The following CACNA1E variants were observed in gnomAD, a reference collection of about 807,000 sequenced individuals.
CACNA1E encodes the protein voltage-dependent R-type calcium channel subunit alpha-1E.
In CACNA1E, 40 loss-of-function variants were observed where a neutral mutation model predicts 259.2. That is an observed-to-expected ratio of 0.15 (90% CI 0.12 to 0.20). The LOEUF is 0.20. CACNA1E is among the 10% of genes least tolerant of loss of function. CACNA1E has a pLI of 1.00. For missense variants in CACNA1E, 1,874 were observed against 3,040.1 expected (o/e 0.62, Z 9.02); for synonymous variants, 1,104 against 1,138.5 (o/e 0.97, Z 0.61).
In CACNA1E at chr1:181,528,928, G is replaced by T. The variant is rs540064691; in HGVS notation, c.512+17418G>T. Reference sequence around the variant, plus strand: ...AGAGAAGAAAAACCCATTTTTTGAGGAGAAATTCATGCTGGCTGCAGAAAT... The same window carrying T: ...AGAGAAGAAAAACCCATTTTTTGAGTAGAAATTCATGCTGGCTGCAGAAAT... On this transcript the variant is annotated intron_variant, in intron 3 of 47. Coordinates refer to ENST00000367573, the MANE Select transcript of CACNA1E (RefSeq NM_001205293.3). Among the ~76,000 whole-genome samples the T allele has an allele frequency of 7.2e-5, 11 of 152,288 alleles. No individual in the cohort carries two copies. In the East Asian group the frequency reaches 2.1e-3, roughly 29 times the overall value.
intron 3 of CACNA1E, among the ~76,000 whole-genome samples, chr1:181,533,220 T>A (rs1349680548): frequency 6.6e-6 from 1 of 151,382 alleles, no homozygotes; most frequent in Non-Finnish European, 1.5e-5. Flanking sequence ...GGGGTTTTTT[T>A]AGTAAGATCA....
chr1:181,557,498 G>A (rs1648857216), intron 3 of CACNA1E, among the ~76,000 whole-genome samples: 2 of 151,470 alleles, frequency 1.3e-5, no homozygotes, highest in Non-Finnish European at 2.9e-5. Context: ...TGGAGCAGGA[G>A]TGTCCTGTTC....
At position 181,628,545 on chromosome 1, in the gene CACNA1E, CAG is replaced by C. The variant is rs1656410833; in HGVS notation, c.952-22789_952-22788del. Among the ~76,000 whole-genome samples the C allele has an allele frequency of 2.0e-5, 3 of 152,130 alleles. No individual in the cohort carries two copies. In the South Asian group the frequency reaches 6.2e-4, roughly 32 times the overall value. ...TGGGGTGTTGATGTCAAGATTAACT[CAG>C]AGAAAATTGGCTGCAGTTAGGGCTG... On this transcript the variant is annotated intron_variant, in intron 6 of 47. Transcript: ENST00000367573.
At chr1:181,621,670 C>G (rs1655729154) in intron 6 of CACNA1E, among the ~76,000 whole-genome samples, 1 of 152,168 alleles carries the variant, frequency 6.6e-6, no homozygotes, top group Non-Finnish European at 1.5e-5. Flanking sequence ...TAACTGCCAA[C>G]TAGTTAGCAT....
Position 181,686,328 on chromosome 1 carries a change from C to G in CACNA1E, c.1056-24626C>G, listed in dbSNP as rs1005772918. Among the ~76,000 whole-genome samples, 8 of 124,418 alleles carry G rather than the reference C, an allele frequency of 6.4e-5. No individual in the cohort carries two copies. The South Asian group carries it at 8.1e-4, about 13-fold the overall frequency. The allele number at this position is 124,418 out of a possible 152,430, so 81.6% of individuals were successfully genotyped here. A position where few individuals can be genotyped will look rare whatever the true frequency, so the allele number is the denominator to read the frequency against. Reference sequence around the variant, plus strand: ...TGAGATGGAGTTTCACTCTTGTTGCCCAGGCTGGAGTGCAATGATGCGATC... The same window carrying G: ...TGAGATGGAGTTTCACTCTTGTTGCGCAGGCTGGAGTGCAATGATGCGATC... On this transcript the variant is annotated intron_variant, in intron 7 of 47. Transcript: ENST00000367573.
intron 1 of CACNA1E, among the ~76,000 whole-genome samples, chr1:181,331,820 C>A (rs534849406): frequency 2.6e-5 from 4 of 152,178 alleles, no homozygotes; most frequent in African/African-American, 9.7e-5. Flanking sequence ...TCTCCTAGCA[C>A]TATTTATTAA....
At position 181,733,480 on chromosome 1, in the gene CACNA1E, G is replaced by A. The variant is rs41304253; in HGVS notation, c.2992G>A (p.Gly998Ser). The A allele has an allele frequency of 0.035, 54,731 of 1,564,612 alleles. 1,186 individuals carry two copies. The highest frequency in any genetic ancestry group is 0.082 in the Middle Eastern group (477 of 5,804). The change falls in exon 21 of 48, where the codon GGC becomes AGC. Residue 998 changes from glycine (G) to serine (S), a missense_variant. Gly to Ser is a moderately conservative substitution (Grantham distance 56, BLOSUM62 0). Coordinates refer to ENST00000367573, the MANE Select transcript of CACNA1E (RefSeq NM_001205293.3). The stretch of plus-strand genomic sequence containing the variant: ...GTCCAGAGGCTCCGGGCTGGCAGGA[G>A]GCCTTGATGAGGCTGACACCCCCCT... Reference protein sequence around the residue: ...MVSRGSGLAGGLDEADTPLVL... With the variant: ...MVSRGSGLAGSLDEADTPLVL...
chr1:181,383,530 C>T (rs868764488), intron 1 of CACNA1E, among the ~76,000 whole-genome samples: 3 of 152,158 alleles, frequency 2.0e-5, no homozygotes, highest in Non-Finnish European at 4.4e-5. Flanking sequence ...AAAACTCTGA[C>T]TGAGCAGGAG....
At chr1:181,784,895 A>C in intron 41 of CACNA1E, 127 bp downstream of exon 41, 1 of 628,736 alleles carries the variant, frequency 1.6e-6, no homozygotes, top group Non-Finnish European at 2.8e-6. Context: ...TAAGGACAAA[A>C]GGGACTTAAG....
chr1:181,548,389 G>A (rs1195199548), intron 3 of CACNA1E, among the ~76,000 whole-genome samples: 1 of 152,108 alleles, frequency 6.6e-6, no homozygotes, highest in Non-Finnish European at 1.5e-5. Flanking sequence ...GCCTCCCAAA[G>A]TGCTGGGATT....
intron 1 of CACNA1E, among the ~76,000 whole-genome samples, chr1:181,355,597 A>C (rs919356935): frequency 7.8e-6 from 1 of 128,208 alleles, no homozygotes; most frequent in African/African-American, 4.0e-5. Flanking sequence ...CAAACAAAAC[A>C]AAACAAAACA....
intron 25 of CACNA1E, among the ~76,000 whole-genome samples, chr1:181,749,662 T>C (rs1188136198): frequency 6.6e-6 from 1 of 152,222 alleles, no homozygotes; most frequent in Non-Finnish European, 1.5e-5. Flanking sequence ...GCACAGAGTC[T>C]GGCCCAGAAT....
chr1:181,439,748 A>G (rs1344018282), intron 2 of CACNA1E, among the ~76,000 whole-genome samples: 1 of 152,248 alleles, frequency 6.6e-6, no homozygotes, highest in East Asian at 1.9e-4. Context: ...ATAACATGTC[A>G]TATGGTCACA....
chr1:181,679,929 C>T (rs1332028197), intron 7 of CACNA1E, among the ~76,000 whole-genome samples: 1 of 151,848 alleles, frequency 6.6e-6, no homozygotes, highest in East Asian at 1.9e-4. Context: ...ATTGTGGAAC[C>T]TCATTTTGAC....
intron 1 of CACNA1E, among the ~76,000 whole-genome samples, chr1:181,390,724 C>T (rs1042317130): frequency 2.0e-5 from 3 of 152,168 alleles, no homozygotes; most frequent in African/African-American, 7.2e-5. Flanking sequence ...GCTCAACATC[C>T]TAGAACCGTA....
At chr1:181,684,831 C>T (rs1261929089) in intron 7 of CACNA1E, among the ~76,000 whole-genome samples, 1 of 150,840 alleles carries the variant, frequency 6.6e-6, no homozygotes, top group Non-Finnish European at 1.5e-5. Context: ...TGCCATATTC[C>T]CATTCAAGAT....
At position 181,671,947 on chromosome 1, in the gene CACNA1E, G is replaced by A. The variant is rs563848260; in HGVS notation, c.1055+20506G>A. On this transcript the variant is annotated intron_variant, in intron 7 of 47. Coordinates refer to ENST00000367573, the MANE Select transcript of CACNA1E (RefSeq NM_001205293.3). Reference sequence around the variant, plus strand: ...AGACACATGCATGTGAATGTTCACCGCAGCACTATTTACAATAGCAAAGAC... The same window carrying A: ...AGACACATGCATGTGAATGTTCACCACAGCACTATTTACAATAGCAAAGAC... Among the ~76,000 whole-genome samples the A allele has an allele frequency of 8.2e-4, 125 of 152,244 alleles. 2 individuals are homozygous for A. The highest frequency in any genetic ancestry group is 3.0e-3 in the African/African-American group (123 of 41,540).
intron 6 of CACNA1E, among the ~76,000 whole-genome samples, chr1:181,650,727 T>A (rs1658679361): frequency 6.6e-6 from 1 of 152,230 alleles, no homozygotes; most frequent in African/African-American, 2.4e-5. Flanking sequence ...CACTGAGTGT[T>A]AACATTAGAG....
intron 6 of CACNA1E, among the ~76,000 whole-genome samples, chr1:181,599,650 G>C (rs958762263): frequency 1.3e-5 from 2 of 152,100 alleles, no homozygotes; most frequent in Non-Finnish European, 2.9e-5. Flanking sequence ...CATGACTATT[G>C]CCAGAACCTT....
Sources: gnomAD v4.1 joint callset for allele counts (sites outside exome capture counted in the v4.1 genomes callset) on GRCh38, gnomAD v4.1.1 for gene constraint, MANE v1.5 for transcripts, NCBI Gene and HGNC (gene_info 2026-07-23, HGNC 2026-07-21) for gene names.